Variants in RETREG3 observed in about 807,000 individuals in gnomAD.
RETREG3 encodes reticulophagy regulator 3.
In RETREG3, 23 loss-of-function variants were observed where a neutral mutation model predicts 50.2. That is an observed-to-expected ratio of 0.46 (90% CI 0.33 to 0.65). RETREG3 has a LOEUF of 0.65. Among genes scored for constraint, RETREG3 ranks in the 30% least tolerant of loss-of-function variants. The pLI is 0.02. For missense variants in RETREG3, 546 were observed against 598.0 expected (o/e 0.91, Z 0.91); for synonymous variants, 240 against 234.4 (o/e 1.02, Z -0.22).
chr17:42,592,374 C>T (rs1410880895), intron 1 of RETREG3, among the ~76,000 whole-genome samples: 1 of 152,162 alleles, frequency 6.6e-6, no homozygotes, highest in Non-Finnish European at 1.5e-5. Context: ...TAATTTGCTG[C>T]TGTAAAGGCA....
intron 1 of RETREG3, among the ~76,000 whole-genome samples, chr17:42,597,596 TATATATATATATATATATATATA>T (rs1275384387): frequency 2.8e-3 from 6 of 2,150 alleles, no homozygotes; most frequent in Non-Finnish European, 2.8e-3. Flanking sequence ...TATATATATA[TATATATATATATATATATATATA>T]TTTTTTTTTT....
chr17:42,580,620 A>C lies in RETREG3; in HGVS notation c.*1193T>G, dbSNP rs1355483934. The stretch of plus-strand genomic sequence containing the variant: ...AGAGGCCCATCCCCACATCATATTC[A>C]CATTTTTTAAATTTCACAAGCAATA... On this transcript the variant is annotated 3_prime_UTR_variant, in exon 9 of 9. Coordinates refer to ENST00000309428, the MANE Select transcript of RETREG3 (RefSeq NM_178126.4). 2 of 152,594 alleles carry C rather than the reference A, an allele frequency of 1.3e-5. No individual in the cohort carries two copies. Among genetic ancestry groups the C allele is most frequent in the African/African-American group, 4.8e-5 (2 of 41,358 alleles). The allele number at this position is 152,594 out of a possible 1,614,324, so 9.5% of individuals were successfully genotyped here.
chr17:42,606,458 G>A (rs781097963), intron 1 of RETREG3, among the ~76,000 whole-genome samples: 4 of 151,736 alleles, frequency 2.6e-5, no homozygotes, highest in Non-Finnish European at 4.4e-5. Context: ...AAAATTAGCC[G>A]GGCGTGGTGG....
chr17:42,598,203 G>T (rs527885306), intron 1 of RETREG3, among the ~76,000 whole-genome samples: 1 of 149,298 alleles, frequency 6.7e-6, no homozygotes, highest in Non-Finnish European at 1.5e-5. Flanking sequence ...GGATTGTCTC[G>T]ATCTCCTGAC....
At chr17:42,583,412 G>T in intron 7 of RETREG3, 86 bp downstream of exon 7, 3 of 1,301,844 alleles carry the variant, frequency 2.3e-6, no homozygotes, top group Non-Finnish European at 2.2e-6. Flanking sequence ...CCTCAAACCT[G>T]GTTATGGCCT....
In RETREG3 at chr17:42,609,094, C is replaced by A; in HGVS notation, c.231G>T (p.Ala77=). 6.2e-7 allele frequency: 1 copy of A among 1,605,842 alleles called. No individual in the cohort carries two copies. Among genetic ancestry groups the A allele is most frequent in the Non-Finnish European group, 8.5e-7 (1 of 1,179,702 alleles). ...GGGTCCAGTTCTCTCACCAGAAAGC[C>A]GCGTTCAGCCCCAGGCACCACAGAG... ...RSALWCLGLN[A]AFWFFALTSL... is the part of the protein sequence containing the mutation. Residue 77 remains alanine (A), a synonymous_variant, in exon 1 of 9, where the codon GCG becomes GCT. Transcript: ENST00000309428.
chr17:42,599,621 T>A (rs931140589), intron 1 of RETREG3, among the ~76,000 whole-genome samples: 25 of 145,474 alleles, frequency 1.7e-4, no homozygotes, highest in Non-Finnish European at 3.4e-4. Context: ...GCCATTGCAT[T>A]CCAGCCTGGG....
chr17:42,580,721 A>C lies in RETREG3; in HGVS notation c.*1092T>G, dbSNP rs2093105759. On this transcript the variant is annotated 3_prime_UTR_variant, in exon 9 of 9. Coordinates refer to ENST00000309428, the MANE Select transcript of RETREG3 (RefSeq NM_178126.4). ...GGAGCAGGCCTGTTCTGCAAAACCA[A>C]AGGACAAGTTTGCTTTAAAAAAAAA... The C allele has an allele frequency of 6.6e-6, 1 of 152,546 alleles. No individual in the cohort carries two copies. Among genetic ancestry groups the C allele is most frequent in the Non-Finnish European group, 1.5e-5 (1 of 68,038 alleles). 9.4% of individuals were successfully genotyped at this position (152,546 alleles called of 1,614,324 possible). A position where few individuals can be genotyped will look rare whatever the true frequency, so the allele number is the denominator to read the frequency against.
intron 1 of RETREG3, among the ~76,000 whole-genome samples, chr17:42,607,122 T>C (rs2093169158): frequency 6.6e-6 from 1 of 152,174 alleles, no homozygotes; most frequent in Non-Finnish European, 1.5e-5. Context: ...GGAAATGTTT[T>C]GACTGGATAA....
Position 42,609,298 on chromosome 17 carries a change from C to T in RETREG3, c.27G>A (p.Thr9=), listed in dbSNP as rs752909177. 7.5e-6 allele frequency: 12 copies of T among 1,602,076 alleles called. No individual in the cohort carries two copies. The highest frequency in any genetic ancestry group is 9.3e-6 in the Non-Finnish European group (11 of 1,179,628). MAEAEGVP[T]TPGPASGSTF... ...TCGACCCCGAAGCCGGGCCTGGGGT[C>T]GTGGGAACCCCTTCGGCCTCAGCCA... is the stretch of plus-strand genomic sequence containing the variant. The change falls in exon 1 of 9, where the codon ACG becomes ACA. Residue 9 remains threonine (T), a synonymous_variant. Coordinates refer to ENST00000309428, the MANE Select transcript of RETREG3 (RefSeq NM_178126.4).
At chr17:42,603,986 AAAAAG>A (rs1196658963) in intron 1 of RETREG3, among the ~76,000 whole-genome samples, 4 of 145,194 alleles carry the variant, frequency 2.8e-5, no homozygotes, top group East Asian at 4.0e-4. Flanking sequence ...CAAAAAAAAA[AAAAAG>A]AAAAGAAATC....
chr17:42,591,328 T>C (rs1341181677), intron 2 of RETREG3, among the ~76,000 whole-genome samples: 2 of 151,980 alleles, frequency 1.3e-5, no homozygotes, highest in Non-Finnish European at 2.9e-5. Flanking sequence ...AGACACCACA[T>C]GTCATGGTAC....
chr17:42,609,248 G>A lies in RETREG3; in HGVS notation c.77C>T (p.Ser26Leu). 1 of 1,607,326 alleles carries A rather than the reference G, an allele frequency of 6.2e-7. No homozygotes were observed. Among genetic ancestry groups the A allele is most frequent in the Non-Finnish European group, 8.5e-7 (1 of 1,179,824 alleles). The change falls in exon 1 of 9, where the codon TCA (serine) becomes TTA (leucine). Residue 26 changes from serine (S) to leucine (L), a missense_variant. Transcript: ENST00000309428. ...GSTFRGRRDV[S>L]GSWERDQQVE... ...CTGCTGGTCCCGCTCCCAGGAGCCT[G>A]ACACATCTCGGCGGCCCCTGAAAGT...
Position 42,581,788 on chromosome 17 carries a change from G to C in RETREG3, c.*25C>G. 2 of 1,531,974 alleles carry C rather than the reference G, an allele frequency of 1.3e-6. No individual in the cohort carries two copies. Among genetic ancestry groups the C allele is most frequent in the Non-Finnish European group, 1.8e-6 (2 of 1,140,402 alleles). The allele number at this position is 1,531,974 out of a possible 1,614,324, so 94.9% of individuals were successfully genotyped here. On this transcript the variant is annotated 3_prime_UTR_variant, in exon 9 of 9. Transcript: ENST00000309428. ...TGGGGAGAAAAAAACCTAAACCACAGTGACTCCCAAAAGGAGTCTCTGCCT... is the reference window on the plus strand; with the variant it reads ...TGGGGAGAAAAAAACCTAAACCACACTGACTCCCAAAAGGAGTCTCTGCCT...
At chr17:42,584,584 AG>A (rs1159112653) in intron 6 of RETREG3, among the ~76,000 whole-genome samples, 1 of 152,140 alleles carries the variant, frequency 6.6e-6, no homozygotes, top group Non-Finnish European at 1.5e-5. Context: ...CCAAGGCAGG[AG>A]GATCGCTTGA....
intron 1 of RETREG3, among the ~76,000 whole-genome samples, chr17:42,607,180 T>C (rs1042674270): frequency 6.6e-6 from 1 of 151,706 alleles, no homozygotes; most frequent in Admixed American, 6.6e-5. Context: ...CAGAGAGCAA[T>C]GGGAATCAGT....
At position 42,586,111 on chromosome 17, in the gene RETREG3, C is replaced by A; in HGVS notation, c.531G>T (p.Leu177=). 6.2e-7 allele frequency: 1 copy of A among 1,613,952 alleles called. No homozygotes were observed. The highest frequency in any genetic ancestry group is 1.1e-5 in the South Asian group (1 of 91,062). Residue 177 remains leucine (L), a synonymous_variant, in exon 5 of 9, where the codon CTG becomes CTT. Coordinates refer to ENST00000309428, the MANE Select transcript of RETREG3 (RefSeq NM_178126.4). ...AGCGGCCCAAGACAGCCAAAAAGGT[C>A]AGTATCCCACAGCTCAGCAAGCAGA... ...GKFCLLSCGI[L]TFLAVLGRYV...
intron 1 of RETREG3, among the ~76,000 whole-genome samples, chr17:42,607,226 C>T (rs900619128): frequency 2.0e-5 from 3 of 151,488 alleles, no homozygotes; most frequent in African/African-American, 7.3e-5. Context: ...TGGCTGGGCA[C>T]GGTGGCTCAT....
At chr17:42,603,453 C>G (rs2093161993) in intron 1 of RETREG3, among the ~76,000 whole-genome samples, 1 of 152,110 alleles carries the variant, frequency 6.6e-6, no homozygotes, top group South Asian at 2.1e-4. Context: ...TTAACCCAAC[C>G]TATATCATGC....
Sources: allele counts gnomAD v4.1 joint callset (sites outside exome capture counted in the v4.1 genomes callset), GRCh38; gene constraint gnomAD v4.1.1; transcripts MANE v1.5; gene names NCBI Gene and HGNC (gene_info 2026-07-23, HGNC 2026-07-21).